Variants in SLC2A13 observed in about 807,000 individuals in gnomAD.
SLC2A13 encodes the protein proton myo-inositol cotransporter.
Under a neutral mutation model 64.4 loss-of-function variants are expected in SLC2A13, and 32 were observed. The observed-to-expected ratio is 0.50, with a 90% CI of 0.37 to 0.67. SLC2A13 has a LOEUF of 0.67. SLC2A13 is among the 30% of genes least tolerant of loss of function. The pLI is 0.00. For synonymous variants in SLC2A13, 338 were observed against 327.1 expected (o/e 1.03, Z -0.36); for missense variants, 743 against 829.2 (o/e 0.90, Z 1.28).
chr12:40,071,887 G>C (rs968360988), intron 1 of SLC2A13, among the ~76,000 whole-genome samples: 1 of 151,832 alleles, frequency 6.6e-6, no homozygotes, highest in Admixed American at 6.6e-5. Context: ...TTGTTTTGTA[G>C]ATTTCCTCTA....
Position 39,760,250 on chromosome 12 carries a change from C to A in SLC2A13, c.1723G>T (p.Ala575Ser), listed in dbSNP as rs1223748018. Reference protein sequence around the residue: ...HTAEYLTYYGAFFLYAGFAAV... With the variant: ...HTAEYLTYYGSFFLYAGFAAV... ...GCAAATCCAGCATAGAGGAAGAAAG[C>A]TCCTGCAACGGAATATAATAGATAC... The change falls in exon 10 of 10, where the codon GCT (alanine) becomes TCT (serine). Residue 575 changes from alanine (A) to serine (S), a missense_variant and splice_region_variant. Physicochemically the swap from Ala to Ser is moderately conservative, Grantham distance 99. Coordinates refer to ENST00000280871, the MANE Select transcript of SLC2A13 (RefSeq NM_052885.4). The A allele has an allele frequency of 1.2e-6, 2 of 1,610,112 alleles. No individual in the cohort carries two copies. The highest frequency in any genetic ancestry group is 1.7e-5 in the Admixed American group (1 of 59,650).
intron 4 of SLC2A13, among the ~76,000 whole-genome samples, chr12:39,928,981 T>C (rs1007015838): frequency 6.6e-6 from 1 of 152,058 alleles, no homozygotes; most frequent in Non-Finnish European, 1.5e-5. Flanking sequence ...TCCTTTGCCC[T>C]CCCCACACAT....
At chr12:39,976,508 A>T (rs1946760949) in intron 3 of SLC2A13, among the ~76,000 whole-genome samples, 5 of 152,220 alleles carry the variant, frequency 3.3e-5, no homozygotes. Context: ...GTTAATTTTC[A>T]TTAATGTTAC....
rs1391478715 is a variant in SLC2A13 at position 39,757,230 on chromosome 12, T to TATC, written c.*2793_*2795dup. 6.6e-6 allele frequency: 1 copy of TATC among 151,808 alleles called. No individual in the cohort carries two copies. Among genetic ancestry groups the TATC allele is most frequent in the Non-Finnish European group, 1.5e-5 (1 of 67,688 alleles). 9.4% of individuals were successfully genotyped at this position (151,808 alleles called of 1,614,324 possible). Reference sequence around the variant, plus strand: ...ATTTTCCTAAGACATAATATACCTCTATCAAATCTGCAGCATGTTTCAAAG... The same window carrying TATC: ...ATTTTCCTAAGACATAATATACCTCTATCATCAAATCTGCAGCATGTTTCAAAG... On this transcript the variant is annotated 3_prime_UTR_variant, in exon 10 of 10. Transcript: ENST00000280871.
intron 6 of SLC2A13, among the ~76,000 whole-genome samples, chr12:39,850,844 T>C (rs1943447119): frequency 6.6e-6 from 1 of 152,196 alleles, no homozygotes; most frequent in African/African-American, 2.4e-5. Context: ...TGTATCCATT[T>C]TACAATGATA....
chr12:39,846,067 T>C (rs925353981), intron 6 of SLC2A13, among the ~76,000 whole-genome samples: 1 of 152,170 alleles, frequency 6.6e-6, no homozygotes, highest in Non-Finnish European at 1.5e-5. Context: ...CATCTACCTG[T>C]GTAACAGAGG....
At chr12:39,789,018 G>T (rs774693050) in intron 7 of SLC2A13, among the ~76,000 whole-genome samples, 2 of 152,078 alleles carry the variant, frequency 1.3e-5, no homozygotes, top group South Asian at 4.1e-4. Context: ...ACTTATTAAA[G>T]TCTGTTATAC....
chr12:39,838,007 C>T (rs1566848096), intron 6 of SLC2A13, among the ~76,000 whole-genome samples: 1 of 150,872 alleles, frequency 6.6e-6, no homozygotes. Context: ...ACCCAAATGA[C>T]TATAAATCAT....
chr12:40,076,110 G>A (rs1191723443), intron 1 of SLC2A13, among the ~76,000 whole-genome samples: 1 of 152,136 alleles, frequency 6.6e-6, no homozygotes, highest in Non-Finnish European at 1.5e-5. Context: ...GATTCTCTAT[G>A]TTAAGTGCCT....
intron 4 of SLC2A13, among the ~76,000 whole-genome samples, chr12:39,934,352 T>C (rs1945882685): frequency 6.6e-6 from 1 of 152,192 alleles, no homozygotes; most frequent in Non-Finnish European, 1.5e-5. Context: ...AGAATGCTAA[T>C]CGAATGTTGA....
chr12:40,040,946 T>G (rs1472258967), intron 2 of SLC2A13, among the ~76,000 whole-genome samples: 1 of 149,232 alleles, frequency 6.7e-6, no homozygotes, highest in East Asian at 2.0e-4. Flanking sequence ...ACATGGATTT[T>G]AAAATTATTA....
intron 1 of SLC2A13, chr12:40,068,463 G>A (rs1265050758): frequency 1.6e-5 from 4 of 250,108 alleles, no homozygotes; most frequent in Non-Finnish European, 3.2e-5. Flanking sequence ...GACCAATTTT[G>A]CTTTTTCTTA....
chr12:39,858,571 G>A (rs772324679), intron 6 of SLC2A13, among the ~76,000 whole-genome samples: 7 of 152,062 alleles, frequency 4.6e-5, no homozygotes, highest in Non-Finnish European at 1.0e-4. Context: ...CAAATACTGG[G>A]GAAAAAAGAG....
intron 4 of SLC2A13, among the ~76,000 whole-genome samples, chr12:39,911,631 T>C (rs1204566238): frequency 6.6e-6 from 1 of 152,118 alleles, no homozygotes; most frequent in African/African-American, 2.4e-5. Context: ...CTTATTTTTC[T>C]GAATGCATCA....
chr12:39,912,390 C>A (rs1356059834), intron 4 of SLC2A13, among the ~76,000 whole-genome samples: 6 of 151,998 alleles, frequency 3.9e-5, no homozygotes, highest in African/African-American at 1.5e-4. Context: ...ACTTTCCCAG[C>A]CAAATCCCAG....
chr12:40,043,041 C>G (rs10747989), intron 2 of SLC2A13, among the ~76,000 whole-genome samples: 53,363 of 150,096 alleles, frequency 0.36, 9,894 homozygotes, highest in African/African-American at 0.42. Context: ...AAAGTGGAGT[C>G]GGGGGCAACA....
chr12:39,918,829 G>A (rs1443459402), intron 4 of SLC2A13, among the ~76,000 whole-genome samples: 1 of 148,062 alleles, frequency 6.8e-6, no homozygotes, highest in African/African-American at 2.5e-5. Flanking sequence ...CTCCAGCCTG[G>A]TGACAGAGTG....
intron 1 of SLC2A13, among the ~76,000 whole-genome samples, chr12:40,049,066 T>C (rs1247056004): frequency 1.3e-5 from 2 of 152,142 alleles, no homozygotes; most frequent in Non-Finnish European, 2.9e-5. Flanking sequence ...TCTCACCCTC[T>C]TGTGGCCCCT....
intron 3 of SLC2A13, among the ~76,000 whole-genome samples, chr12:39,954,306 G>A (rs28370687): frequency 0.019 from 2,826 of 152,192 alleles, 111 homozygotes; most frequent in African/African-American, 0.064. Flanking sequence ...GAGATGCCAA[G>A]GGGGCTAGAA....
Sources: gnomAD v4.1 joint callset for allele counts (sites outside exome capture counted in the v4.1 genomes callset) on GRCh38, gnomAD v4.1.1 for gene constraint, MANE v1.5 for transcripts, NCBI Gene and HGNC (gene_info 2026-07-23, HGNC 2026-07-21) for gene names.